The following SERPINI1 variants were observed in gnomAD, a reference collection of about 807,000 sequenced individuals.
SERPINI1 encodes neuroserpin.
In SERPINI1, 19 loss-of-function variants were observed where a neutral mutation model predicts 41.1. That is an observed-to-expected ratio of 0.46 (90% CI 0.32 to 0.68). The LOEUF (loss-of-function observed/expected upper bound fraction) is 0.68. SERPINI1 is among the 30% of genes least tolerant of loss of function. The pLI is 0.03. For synonymous variants in SERPINI1, 138 were observed against 156.6 expected (o/e 0.88, Z 0.89); for missense variants, 460 against 479.2 (o/e 0.96, Z 0.37).
At chr3:167,823,365 T>C (rs759739460) in intron 7 of SERPINI1, among the ~76,000 whole-genome samples, 49 of 152,244 alleles carry the variant, frequency 3.2e-4, no homozygotes, top group Non-Finnish European at 6.0e-4. Context: ...TGTTTAAATA[T>C]TTTAAATATT....
At chr3:167,758,715 T>C (rs1726273265) in intron 1 of SERPINI1, among the ~76,000 whole-genome samples, 3 of 152,166 alleles carry the variant, frequency 2.0e-5, no homozygotes, top group Admixed American at 6.5e-5. Flanking sequence ...CAGAAAAAGA[T>C]CATTATTGAA....
chr3:167,806,030 T>C (rs1711622216), intron 5 of SERPINI1, among the ~76,000 whole-genome samples: 1 of 152,174 alleles, frequency 6.6e-6, no homozygotes, highest in South Asian at 2.1e-4. Context: ...CATGTATGTA[T>C]ATTGAAGCAC....
At chr3:167,824,388 T>C (rs1218928463) in intron 7 of SERPINI1, 85 bp from the exon 8 acceptor site, 2 of 968,704 alleles carry the variant, frequency 2.1e-6, no homozygotes, top group Non-Finnish European at 3.3e-6. Flanking sequence ...TTGCATTAGG[T>C]GGATAGGCAT....
intron 1 of SERPINI1, among the ~76,000 whole-genome samples, chr3:167,786,890 C>T (rs182362452): frequency 6.6e-6 from 1 of 152,182 alleles, no homozygotes; most frequent in East Asian, 1.9e-4. Flanking sequence ...ACTCACTTAC[C>T]CAAAGAACTT....
intron 1 of SERPINI1, among the ~76,000 whole-genome samples, chr3:167,764,444 T>C (rs572666827): frequency 6.6e-6 from 1 of 152,194 alleles, no homozygotes; most frequent in South Asian, 2.1e-4. Context: ...TTTAAAACTA[T>C]CAGATCTCAT....
chr3:167,759,120 T>G (rs750641618), intron 1 of SERPINI1, among the ~76,000 whole-genome samples: 1 of 152,116 alleles, frequency 6.6e-6, no homozygotes, highest in Non-Finnish European at 1.5e-5. Flanking sequence ...CAGAAACTGC[T>G]GGGCTTTACT....
Position 167,786,041 on chromosome 3 carries a change from G to A in SERPINI1, c.-18-3070G>A, listed in dbSNP as rs139611823. 3.0e-3 allele frequency among the ~76,000 whole-genome samples: 452 copies of A among 152,308 alleles called. 2 individuals are homozygous for A. Among genetic ancestry groups the A allele is most frequent in the African/African-American group, 0.01 (435 of 41,558 alleles). On this transcript the variant is annotated intron_variant, in intron 1 of 8. Transcript: ENST00000446050. ...GCCTACTACACACCTGGGCTATATG[G>A]TATTACGTAGCTCCTCGGCTACAAA...
At chr3:167,762,533 C>A (rs971212869) in intron 1 of SERPINI1, among the ~76,000 whole-genome samples, 4 of 152,172 alleles carry the variant, frequency 2.6e-5, no homozygotes, top group African/African-American at 9.7e-5. Context: ...ACCTCAGCCT[C>A]CCCATTCCAC....
At chr3:167,821,926 G>T (rs1219722611) in intron 6 of SERPINI1, among the ~76,000 whole-genome samples, 1 of 152,186 alleles carries the variant, frequency 6.6e-6, no homozygotes, top group Non-Finnish European at 1.5e-5. Context: ...CCTGCTGGCA[G>T]AATTCCTCCT....
At chr3:167,755,080 A>C (rs1726155637) in intron 1 of SERPINI1, among the ~76,000 whole-genome samples, 1 of 152,174 alleles carries the variant, frequency 6.6e-6, no homozygotes, top group South Asian at 2.1e-4. Context: ...CTTGACTTTT[A>C]TTCCAGTCTT....
chr3:167,823,176 C>T, intron 7 of SERPINI1, 104 bp downstream of exon 7: 1 of 809,608 alleles, frequency 1.2e-6, no homozygotes, highest in Non-Finnish European at 2.2e-6. Flanking sequence ...AAAAGTCACT[C>T]TGCTCTAACT....
chr3:167,817,646 C>T lies in SERPINI1; in HGVS notation c.980-5340C>T, dbSNP rs540719545. On this transcript the variant is annotated intron_variant, in intron 6 of 8. Coordinates refer to ENST00000446050, the MANE Select transcript of SERPINI1 (RefSeq NM_001122752.2). ...AGAGTCATGCACTGTCGCCCAGGCTCGAGTGCAGTGGCCGGATCTCGGCTC... is the reference window on the plus strand; with the variant it reads ...AGAGTCATGCACTGTCGCCCAGGCTTGAGTGCAGTGGCCGGATCTCGGCTC... Among the ~76,000 whole-genome samples, 7 of 151,986 alleles carry T rather than the reference C, an allele frequency of 4.6e-5. No individual in the cohort carries two copies. The South Asian group carries it at 8.3e-4, about 18-fold the overall frequency.
intron 1 of SERPINI1, among the ~76,000 whole-genome samples, chr3:167,769,747 T>G (rs1560001226): frequency 6.6e-6 from 1 of 152,126 alleles, no homozygotes; most frequent in Admixed American, 6.6e-5. Flanking sequence ...GGTACCTCAG[T>G]GTAGTTTATT....
intron 1 of SERPINI1, among the ~76,000 whole-genome samples, chr3:167,749,142 T>A (rs1211292100): frequency 6.6e-6 from 1 of 152,222 alleles, no homozygotes; most frequent in African/African-American, 2.4e-5. Context: ...AATTATCCCC[T>A]TGCTTTTATG....
chr3:167,789,964 A>T (rs942518220), intron 2 of SERPINI1, among the ~76,000 whole-genome samples: 7 of 152,314 alleles, frequency 4.6e-5, no homozygotes, highest in Non-Finnish European at 7.4e-5. Context: ...AAAAATTAAA[A>T]CAATTTCTAA....
chr3:167,761,642 C>G (rs1726385409), intron 1 of SERPINI1, among the ~76,000 whole-genome samples: 1 of 152,188 alleles, frequency 6.6e-6, no homozygotes, highest in African/African-American at 2.4e-5. Flanking sequence ...ATAATGTCTT[C>G]TTCAAACTTA....
chr3:167,743,729 G>T (rs1192339150), intron 1 of SERPINI1, among the ~76,000 whole-genome samples: 1 of 152,106 alleles, frequency 6.6e-6, no homozygotes, highest in Non-Finnish European at 1.5e-5. Context: ...GTTAATAAAA[G>T]AAGGCATTGG....
intron 6 of SERPINI1, among the ~76,000 whole-genome samples, chr3:167,810,980 A>G (rs1397294929): frequency 6.6e-6 from 1 of 152,054 alleles, no homozygotes; most frequent in East Asian, 1.9e-4. Context: ...ATCCATTTAA[A>G]TTTGATCATG....
chr3:167,758,145 G>A (rs2108538433), intron 1 of SERPINI1, among the ~76,000 whole-genome samples: 1 of 152,192 alleles, frequency 6.6e-6, no homozygotes, highest in South Asian at 2.1e-4. Context: ...GGACCTGCAG[G>A]TGTGTGGATC....
Sources: allele counts gnomAD v4.1 joint callset (sites outside exome capture counted in the v4.1 genomes callset), GRCh38; gene constraint gnomAD v4.1.1; transcripts MANE v1.5; gene names NCBI Gene and HGNC (gene_info 2026-07-23, HGNC 2026-07-21).